The following ALDOB variants were observed in gnomAD, a reference collection of about 807,000 sequenced individuals.
ALDOB encodes the protein fructose-bisphosphate aldolase B.
In ALDOB, 39 loss-of-function variants were observed where a neutral mutation model predicts 41.0. The ratio of observed to expected loss-of-function variants is 0.95; its 90% CI spans 0.74 to 1.24. The LOEUF is 1.24. ALDOB is among the 50% of genes most tolerant of loss of function. The pLI, the probability that ALDOB is intolerant of heterozygous loss-of-function variation, is 0.00. For missense variants in ALDOB, 530 were observed against 457.3 expected, an observed-to-expected ratio of 1.16 and a Z score of -1.45; for synonymous variants, 175 against 168.8, an observed-to-expected ratio of 1.04 and a Z score of -0.28.
rs1445802828 is a variant in ALDOB, at chr9:101,429,911, G to C, written c.168C>G (p.Arg56=). The C allele has an allele frequency of 6.2e-7, 1 of 1,614,004 alleles. No homozygotes were observed. Among genetic ancestry groups the C allele is most frequent in the East Asian group, 2.2e-5 (1 of 44,854 alleles). Reference sequence around the variant, plus strand: ...AGAAGAGGATTTCTCGGAACTGCCGGCGGTTCTCTTCAGTGTTTTCCACCT... The same window carrying C: ...AGAAGAGGATTTCTCGGAACTGCCGCCGGTTCTCTTCAGTGTTTTCCACCT... The part of the protein sequence containing the change: ...RIKVENTEEN[R]RQFREILFSV... Residue 56 remains arginine, a synonymous_variant, in exon 3 of 9, where the codon CGC becomes CGG. Transcript: ENST00000647789.
In ALDOB at chr9:101,430,779, C is replaced by T; in HGVS notation, c.109G>A (p.Val37Ile). Residue 37 changes from valine (V) to isoleucine (I), a missense_variant, in exon 2 of 9, where the codon GTA becomes ATA. Physicochemically the swap from Val to Ile is conservative, Grantham distance 29. Transcript: ENST00000647789. ...TGAGACTGCTTTTTACACTCACCTA[C>T]AGATTCATCTGCAGCCAGGATCCCC... Reference protein sequence around the residue: ...GKGILAADESVGTMGNRLQRI... With the variant: ...GKGILAADESIGTMGNRLQRI... The T allele has an allele frequency of 2.5e-6, 4 of 1,610,856 alleles. No homozygotes were observed. The highest frequency in any genetic ancestry group is 2.5e-6 in the Non-Finnish European group (3 of 1,176,992).
At position 101,426,630 on chromosome 9, in the gene ALDOB, C is replaced by CTT. The variant is rs769896917; in HGVS notation, c.548_549insAA (p.Val184ArgfsTer9). ...TTACCTCTGGTTCAACAATAGGTAC[C>CTT]AGTCCATTCTAAAAAGGAAAATCAA... On this transcript the variant is annotated frameshift_variant, in exon 6 of 9. Transcript: ENST00000647789. LOFTEE classifies it high-confidence loss of function. The CTT allele has an allele frequency of 6.8e-6, 11 of 1,606,618 alleles. No homozygotes were observed.
In ALDOB at chr9:101,430,871, G is replaced by C. The variant is rs2118366455; in HGVS notation, c.17C>G (p.Pro6Arg). The C allele has an allele frequency of 1.9e-6, 3 of 1,614,054 alleles. No individual in the cohort carries two copies. In the East Asian group the frequency reaches 6.7e-5, roughly 36 times the overall value. Residue 6 changes from proline (P) to arginine (R), a missense_variant, in exon 2 of 9, where the codon CCA (proline) becomes CGA (arginine). Physicochemically the swap from Pro to Arg is moderately radical, Grantham distance 103. Coordinates refer to ENST00000647789, the MANE Select transcript of ALDOB (RefSeq NM_000035.4). MAHRF[P>R]ALTQEQKKEL... The stretch of plus-strand genomic sequence containing the variant: ...CTTCTTCTGCTCCTGGGTGAGGGCT[G>C]GAAATCGGTGGGCCATGGTGACAGG...
In ALDOB at chr9:101,429,817, CCTT is replaced by C. The variant is rs1299752574; in HGVS notation, c.259_261del (p.Lys87del). On this transcript the variant is annotated inframe_deletion, in exon 3 of 9. Coordinates refer to ENST00000647789, the MANE Select transcript of ALDOB (RefSeq NM_000035.4). ...TTTCTGAACAGCTTTCCCTGGCTGT[CCTT>C]CTGGTAGAGGGTCTCGTGGAAAAGG... 1 of 1,614,090 alleles carries C rather than the reference CCTT, an allele frequency of 6.2e-7. No homozygotes were observed. Among genetic ancestry groups the C allele is most frequent in the East Asian group, 2.2e-5 (1 of 44,852 alleles).
chr9:101,424,809 A>C, intron 8 of ALDOB, 34 bp downstream of exon 8: 1 of 1,610,734 alleles, frequency 6.2e-7, no homozygotes. Flanking sequence ...AAATGTGAAC[A>C]TCATCAAGTA....
rs184499705 is a variant in ALDOB, at chr9:101,432,825, A to G, written c.-10-1928T>C. 1.8e-3 allele frequency among the ~76,000 whole-genome samples: 276 copies of G among 152,048 alleles called. 6 individuals carry two copies. Among genetic ancestry groups the G allele is most frequent in the Admixed American group, 0.016 (247 of 15,262 alleles). ...CAAGGGAAAGAGTGAGCTTGATGAA[A>G]AAAATGGCCTTTGGATGACTCCTAA... On this transcript the variant is annotated intron_variant, in intron 1 of 8. Coordinates refer to ENST00000647789, the MANE Select transcript of ALDOB (RefSeq NM_000035.4).
Position 101,423,594 on chromosome 9 carries a change from A to G in ALDOB, c.999+1249T>C, listed in dbSNP as rs147003072. On this transcript the variant is annotated intron_variant, in intron 8 of 8. Transcript: ENST00000647789. ...CAACTGTAATCAGTCATCAACTGCT[A>G]CATCTCTTGACTTATATAGAGCTGA... Among the ~76,000 whole-genome samples, 21 of 152,306 alleles carry G rather than the reference A, an allele frequency of 1.4e-4. No homozygotes were observed. In the East Asian group the frequency reaches 3.5e-3, roughly 25 times the overall value.
In ALDOB at chr9:101,421,639, A is replaced by G; in HGVS notation, c.*170T>C. ...GATCAGGTCCTTGGTATTCATTTTT[A>G]TGTTTCAATAACTGATTTATTTTTT... On this transcript the variant is annotated 3_prime_UTR_variant, in exon 9 of 9. Coordinates refer to ENST00000647789, the MANE Select transcript of ALDOB (RefSeq NM_000035.4). The G allele has an allele frequency of 1.4e-6, 1 of 704,858 alleles. No homozygotes were observed. 43.7% of individuals were successfully genotyped at this position (704,858 alleles called of 1,614,324 possible).
intron 3 of ALDOB, 133 bp downstream of exon 3, chr9:101,429,622 A>G: frequency 1.1e-6 from 1 of 888,706 alleles, no homozygotes; most frequent in Non-Finnish European, 1.9e-6. Context: ...TCTCTGTGGG[A>G]AGATGACGAT....
chr9:101,428,335 G>T, intron 4 of ALDOB, 134 bp downstream of exon 4: 1 of 812,872 alleles, frequency 1.2e-6, no homozygotes, highest in South Asian at 1.4e-5. Flanking sequence ...GGAGGAGCTG[G>T]TATTGAAAAC....
At chr9:101,428,415 C>T (rs1024744454) in intron 4 of ALDOB, 54 bp downstream of exon 4, 2 of 1,516,994 alleles carry the variant, frequency 1.3e-6, no homozygotes, top group Non-Finnish European at 9.2e-7. Flanking sequence ...TCTTTACTTG[C>T]CTTCATTTCT....
intron 4 of ALDOB, among the ~76,000 whole-genome samples, chr9:101,427,943 C>G (rs921878507): frequency 6.6e-6 from 1 of 152,152 alleles, no homozygotes; most frequent in Admixed American, 6.5e-5. Flanking sequence ...GCAACTTTAC[C>G]AAGTTTGAAT....
In ALDOB at chr9:101,429,844, G is replaced by T. The variant is rs1564078835; in HGVS notation, c.235C>A (p.Leu79Ile). 6.2e-7 allele frequency: 1 copy of T among 1,614,088 alleles called. No individual in the cohort carries two copies. Among genetic ancestry groups the T allele is most frequent in the Non-Finnish European group, 8.5e-7 (1 of 1,180,028 alleles). ...SINQSIGGVI[L>I]FHETLYQKDS... ...TTCTGGTAGAGGGTCTCGTGGAAAA[G>T]GATCACACCCCCGATGCTCTGGTTG... Residue 79 changes from leucine (L) to isoleucine (I), a missense_variant, in exon 3 of 9, where the codon CTT becomes ATT. Transcript: ENST00000647789.
At chr9:101,432,690 C>G (rs1417481382) in intron 1 of ALDOB, among the ~76,000 whole-genome samples, 1 of 152,100 alleles carries the variant, frequency 6.6e-6, no homozygotes, top group Admixed American at 6.6e-5. Flanking sequence ...CTCTTTTCCC[C>G]TCCCATTTAA....
intron 6 of ALDOB, 22 bp downstream of exon 6, chr9:101,426,533 G>C: frequency 6.7e-7 from 1 of 1,492,858 alleles, no homozygotes; most frequent in Non-Finnish European, 9.4e-7. Flanking sequence ...CTAGAATTGG[G>C]GCCTTCATAT....
chr9:101,433,127 T>C (rs1039012703), intron 1 of ALDOB, among the ~76,000 whole-genome samples: 5 of 152,246 alleles, frequency 3.3e-5, no homozygotes, highest in Non-Finnish European at 5.9e-5. Context: ...ACCCTGCTCA[T>C]TGTAGTTGCT....
At chr9:101,424,779 G>T (rs556011728) in intron 8 of ALDOB, 64 bp downstream of exon 8, 8 of 1,579,124 alleles carry the variant, frequency 5.1e-6, no homozygotes, top group South Asian at 4.4e-5. Context: ...ATGCTTCTCC[G>T]TGTTGGAAAG....
chr9:101,429,106 C>T (rs7021632), intron 3 of ALDOB, among the ~76,000 whole-genome samples: 95 of 151,044 alleles, frequency 6.3e-4, no homozygotes, highest in African/African-American at 2.1e-3. Context: ...ACAATAATTA[C>T]GCAATATAAA....
At position 101,430,067 on chromosome 9, in the gene ALDOB, G is replaced by A. The variant is rs1169840001; in HGVS notation, c.113-101C>T. Reference sequence around the variant, plus strand: ...AGACCCTCACCACAGTGGAAAGCAAGACTTTCTTTTTTCAGATAGTCAAAG... The same window carrying A: ...AGACCCTCACCACAGTGGAAAGCAAAACTTTCTTTTTTCAGATAGTCAAAG... On this transcript the variant is annotated intron_variant, in intron 2 of 8. Coordinates refer to ENST00000647789, the MANE Select transcript of ALDOB (RefSeq NM_000035.4). 7.4e-6 allele frequency: 8 copies of A among 1,082,022 alleles called. No homozygotes were observed. In the East Asian group the frequency reaches 9.5e-5, roughly 13 times the overall value. The allele number at this position is 1,082,022 out of a possible 1,614,324, so 67.0% of individuals were successfully genotyped here. A position where few individuals can be genotyped will look rare whatever the true frequency, so the allele number is the denominator to read the frequency against.
Sources: gnomAD v4.1 joint callset for allele counts (sites outside exome capture counted in the v4.1 genomes callset) on GRCh38, gnomAD v4.1.1 for gene constraint, MANE v1.5 for transcripts, NCBI Gene and HGNC (gene_info 2026-07-23, HGNC 2026-07-21) for gene names.